KALRN: variants seen among roughly 807,000 people sequenced by gnomAD.
KALRN encodes the protein kalirin.
In KALRN, 70 loss-of-function variants were observed where a neutral mutation model predicts 353.7. The ratio of observed to expected loss-of-function variants is 0.20; its 90% confidence interval spans 0.16 to 0.24. KALRN has a LOEUF of 0.24. Ranked by LOEUF, KALRN falls within the 10% of genes least tolerant of loss-of-function variation. KALRN has a pLI of 1.00. For missense variants in KALRN, 2,791 were observed against 3,756.7 expected (o/e 0.74, Z 6.72); for synonymous variants, 1,391 against 1,434.8 (o/e 0.97, Z 0.69).
At chr3:124,507,105 G>A (rs770045190) in intron 33 of KALRN, among the ~76,000 whole-genome samples, 1 of 152,082 alleles carries the variant, frequency 6.6e-6, no homozygotes, top group Non-Finnish European at 1.5e-5. Flanking sequence ...AATTCTTCTT[G>A]AAAAAGGATT....
At chr3:124,514,602 A>G (rs1408735373) in intron 33 of KALRN, among the ~76,000 whole-genome samples, 3 of 152,140 alleles carry the variant, frequency 2.0e-5, no homozygotes, top group African/African-American at 7.2e-5. Flanking sequence ...TTTGCAGATG[A>G]GGAAAACGTC....
intron 45 of KALRN, among the ~76,000 whole-genome samples, chr3:124,665,372 C>A (rs1477705809): frequency 6.6e-6 from 1 of 152,192 alleles, no homozygotes; most frequent in African/African-American, 2.4e-5. Flanking sequence ...ACTGGCAAAC[C>A]AAATAGGTTC....
At chr3:124,079,938 T>A (rs1216533736) in intron 1 of KALRN, 5 of 381,566 alleles carry the variant, frequency 1.3e-5, no homozygotes, top group Non-Finnish European at 2.3e-5. Context: ...ATAATCTTTT[T>A]GTCTTCAGGT....
intron 37 of KALRN, among the ~76,000 whole-genome samples, chr3:124,638,475 C>A (rs921151056): frequency 6.6e-6 from 1 of 152,112 alleles, no homozygotes; most frequent in Non-Finnish European, 1.5e-5. Context: ...TTTCAAAGAC[C>A]CCTCTCTGAC....
chr3:124,475,845 A>C (rs1191864979), intron 26 of KALRN, among the ~76,000 whole-genome samples: 1 of 152,106 alleles, frequency 6.6e-6, no homozygotes, highest in African/African-American at 2.4e-5. Context: ...CTACCATCTT[A>C]TTTTGTTCTA....
intron 33 of KALRN, among the ~76,000 whole-genome samples, chr3:124,545,271 A>C (rs929936161): frequency 6.6e-6 from 1 of 152,148 alleles, no homozygotes; most frequent in South Asian, 2.1e-4. Flanking sequence ...AACCCTCTAA[A>C]TATTGAGGTC....
chr3:124,082,233 T>C (rs1264253181), intron 1 of KALRN: 4 of 470,716 alleles, frequency 8.5e-6, no homozygotes, highest in Non-Finnish European at 1.8e-5. Flanking sequence ...GGAAAAGTTC[T>C]TGTGTTTCCT....
At chr3:124,561,642 C>T (rs528532347) in intron 33 of KALRN, among the ~76,000 whole-genome samples, 1 of 152,302 alleles carries the variant, frequency 6.6e-6, no homozygotes, top group African/African-American at 2.4e-5. Flanking sequence ...AATATGGCCA[C>T]TGGTGCAGAA....
At chr3:124,683,901 C>G (rs573518483) in intron 51 of KALRN, among the ~76,000 whole-genome samples, 2 of 152,340 alleles carry the variant, frequency 1.3e-5, no homozygotes, top group Admixed American at 6.5e-5. Flanking sequence ...TCAGAATAAA[C>G]AGAACCTGGG....
intron 1 of KALRN, among the ~76,000 whole-genome samples, chr3:124,212,940 T>A (rs551331786): frequency 1.3e-5 from 2 of 152,252 alleles, no homozygotes; most frequent in South Asian, 4.1e-4. Flanking sequence ...CTTTGCGCAT[T>A]TTTCAAATAG....
intron 1 of KALRN, among the ~76,000 whole-genome samples, chr3:124,141,075 C>T (rs2066560451): frequency 6.6e-6 from 1 of 152,122 alleles, no homozygotes; most frequent in Non-Finnish European, 1.5e-5. Flanking sequence ...CTTCTTCAGC[C>T]CCCCAGTCAC....
intron 29 of KALRN, among the ~76,000 whole-genome samples, chr3:124,489,948 G>C (rs966533682): frequency 6.6e-6 from 1 of 152,212 alleles, no homozygotes; most frequent in Non-Finnish European, 1.5e-5. Flanking sequence ...AGTAATCAAA[G>C]GGAGGAATTC....
chr3:124,248,450 C>A, intron 3 of KALRN, among the ~76,000 whole-genome samples: 1 of 152,184 alleles, frequency 6.6e-6, no homozygotes, highest in East Asian at 1.9e-4. Context: ...GGGGACGGAG[C>A]ATGGATGTAC....
chr3:124,291,405 A>G (rs1410126199), intron 5 of KALRN, among the ~76,000 whole-genome samples: 1 of 152,144 alleles, frequency 6.6e-6, no homozygotes, highest in East Asian at 1.9e-4. Flanking sequence ...AAGAAACATG[A>G]TTTAGCAACA....
intron 6 of KALRN, among the ~76,000 whole-genome samples, chr3:124,320,676 A>T (rs189135771): frequency 6.6e-6 from 1 of 152,352 alleles, no homozygotes; most frequent in East Asian, 1.9e-4. Flanking sequence ...CTCAAGAGAT[A>T]AAGACCCTAT....
chr3:124,273,517 T>C (rs2074383131), intron 5 of KALRN, among the ~76,000 whole-genome samples: 1 of 152,222 alleles, frequency 6.6e-6, no homozygotes, highest in Non-Finnish European at 1.5e-5. Context: ...TTAACATATA[T>C]GATCTGATAA....
At chr3:124,300,324 TA>T (rs1246295132) in intron 6 of KALRN, among the ~76,000 whole-genome samples, 2 of 152,138 alleles carry the variant, frequency 1.3e-5, no homozygotes, top group African/African-American at 4.8e-5. Flanking sequence ...CCAAGAACCT[TA>T]AAATGTCAGT....
At position 124,671,678 on chromosome 3, in the gene KALRN, A is replaced by G. The variant is rs750520760; in HGVS notation, c.6722A>G (p.Glu2241Gly). The G allele has an allele frequency of 4.3e-5, 70 of 1,613,598 alleles. No homozygotes were observed. The highest frequency in any genetic ancestry group is 1.6e-4 in the Middle Eastern group (1 of 6,080). Residue 2241 changes from glutamate to glycine, a missense_variant, in exon 48 of 60, where the codon GAG (glutamate) becomes GGG (glycine). Physicochemically the swap from Glu to Gly is moderately conservative, Grantham distance 98 (BLOSUM62 -2). Around this residue, in one of 11 missense-constraint regions of KALRN, gnomAD observed 1,065 missense variants for 1,156.4 expected, o/e 0.92. Transcript: ENST00000682506. ...DFLNALQSPIEYQRKERSTAV... is the reference protein window; with the variant it reads ...DFLNALQSPIGYQRKERSTAV... The stretch of plus-strand genomic sequence containing the variant: ...CCCACAGCACTGCAATCGCCCATTG[A>G]GTATCAACGGAAAGAAAGGAGCACA...
intron 1 of KALRN, among the ~76,000 whole-genome samples, chr3:124,083,606 T>C (rs2060652064): frequency 6.6e-6 from 1 of 152,222 alleles, no homozygotes; most frequent in Admixed American, 6.5e-5. Flanking sequence ...TAAATACTAT[T>C]ATCATCCCCA....
Sources: allele counts gnomAD v4.1 joint callset (sites outside exome capture counted in the v4.1 genomes callset), GRCh38; gene constraint gnomAD v4.1.1; regional missense constraint gnomAD v4.1.1; transcripts MANE v1.5; gene names NCBI Gene and HGNC (gene_info 2026-07-23, HGNC 2026-07-21).